The following PLCXD1 variants were observed in gnomAD, a reference collection of about 807,000 sequenced individuals.
PLCXD1 encodes the protein PI-PLC X domain-containing protein 1.
A neutral mutation model predicts 37.8 loss-of-function variants in PLCXD1; 45 were observed. The ratio of observed to expected loss-of-function variants is 1.19; its 90% CI spans 0.94 to 1.53. The LOEUF is 1.53. Among genes scored for constraint, PLCXD1 ranks in the 40% most tolerant of loss-of-function variants. The pLI, the probability that PLCXD1 is intolerant of heterozygous loss-of-function variation, is 0.00. For missense variants in PLCXD1, 539 were observed against 454.7 expected, an observed-to-expected ratio of 1.19 and a Z score of -1.69; for synonymous variants, 246 against 206.9, an observed-to-expected ratio of 1.19 and a Z score of -1.62.
At chrX:281,235 G>A (rs1285044232), upstream of PLCXD1, 2 of 230,772 alleles carry the variant, frequency 8.7e-6, no homozygotes, top group Non-Finnish European at 1.7e-5. Flanking sequence ...CTCCCTCCTG[G>A]GGACCCGGAG....
At chrX:286,412 G>C (rs1033093066) in intron 2 of PLCXD1, among the ~76,000 whole-genome samples, 2 of 152,102 alleles carry the variant, frequency 1.3e-5, no homozygotes, top group African/African-American at 2.4e-5. Flanking sequence ...GTCTAGAGCT[G>C]ACCTAGTAAG....
At chrX:285,935 GGA>G (rs994719969) in intron 2 of PLCXD1, among the ~76,000 whole-genome samples, 144 of 152,288 alleles carry the variant, frequency 9.5e-4, no homozygotes, top group African/African-American at 3.3e-3. Context: ...GTGCACATCA[GGA>G]GAGGGGGTGA....
At position 288,682 on chromosome X, in the gene PLCXD1, T is replaced by C. The variant is rs369103302; in HGVS notation, c.128-51T>C. 16 of 1,604,852 alleles carry C rather than the reference T, an allele frequency of 1.0e-5. No individual in the cohort carries two copies. In the African/African-American group the frequency reaches 2.0e-4, roughly 20 times the overall value. On this transcript the variant is annotated intron_variant, in intron 2 of 6. Coordinates refer to ENST00000381657, the MANE Select transcript of PLCXD1 (RefSeq NM_018390.4). ...GGGCTGTGGAGCGACTCACAGCAGG[T>C]GGCGGGGACGGACTCGTGGTGACAT...
chrX:289,516 C>CTT (rs759211019), intron 3 of PLCXD1, among the ~76,000 whole-genome samples: 64,008 of 135,054 alleles, frequency 0.47, 16,096 homozygotes, highest in Middle Eastern at 0.61. Context: ...CTTTCTTTTT[C>CTT]TTTTTTTTTT....
chrX:296,915 G>GACATTATTCTGT (rs2069831265), intron 6 of PLCXD1, among the ~76,000 whole-genome samples: 1 of 136,436 alleles, frequency 7.3e-6, no homozygotes, highest in African/African-American at 2.6e-5. Flanking sequence ...CATCTTTGGG[G>GACATTATTCTGT]CCATTATTCT....
chrX:290,445 A>AG (rs1346314723), intron 3 of PLCXD1, among the ~76,000 whole-genome samples: 3 of 138,550 alleles, frequency 2.2e-5, no homozygotes, highest in Admixed American at 7.1e-5. Context: ...AAAAAAAAAA[A>AG]GGCCAGGTCC....
chrX:278,945 C>T (rs1162681160), upstream of PLCXD1, among the ~76,000 whole-genome samples: 2 of 152,064 alleles, frequency 1.3e-5, no homozygotes, highest in African/African-American at 2.4e-5. Context: ...CCCGAACAGG[C>T]TTTGTGTGAG....
upstream of PLCXD1, among the ~76,000 whole-genome samples, chrX:277,261 G>A (rs1339253629): frequency 8.8e-4 from 98 of 111,208 alleles, no homozygotes; most frequent in South Asian, 1.5e-3. Context: ...AGGGGTCAGG[G>A]GGAACGTGGG....
upstream of PLCXD1, among the ~76,000 whole-genome samples, chrX:279,700 G>A (rs2069221560): frequency 6.6e-6 from 1 of 151,760 alleles, no homozygotes; most frequent in Non-Finnish European, 1.5e-5. Context: ...CTTGAATCCA[G>A]GAGGCGGAGG....
intron 6 of PLCXD1, among the ~76,000 whole-genome samples, chrX:294,350 CG>C (rs1300712992): frequency 3.9e-5 from 6 of 151,908 alleles, no homozygotes; most frequent in Non-Finnish European, 7.4e-5. Flanking sequence ...GGCGTGGTGG[CG>C]GGCGCCTGTA....
chrX:300,399 T>C lies in PLCXD1; in HGVS notation c.*1064T>C, dbSNP rs2069966688. ...GTGTGTATATATGTGTGTTTATGTG[T>C]CTGTGTGTATATATGTGTATATATC... On this transcript the variant is annotated 3_prime_UTR_variant, in exon 7 of 7. Transcript: ENST00000381657. The C allele has an allele frequency of 6.7e-6, 1 of 149,672 alleles. No homozygotes were observed. The highest frequency in any genetic ancestry group is 2.6e-5 in the African/African-American group (1 of 39,182). The allele number at this position is 149,672 out of a possible 1,614,324, so 9.3% of individuals were successfully genotyped here.
intron 4 of PLCXD1, among the ~76,000 whole-genome samples, chrX:291,212 C>A (rs942447703): frequency 1.3e-4 from 20 of 151,034 alleles, no homozygotes; most frequent in Non-Finnish European, 2.1e-4. Flanking sequence ...GTGGTGCAAT[C>A]TCAGCTCACT....
At chrX:289,280 G>A (rs1159964575) in intron 3 of PLCXD1, among the ~76,000 whole-genome samples, 5 of 151,954 alleles carry the variant, frequency 3.3e-5, no homozygotes, top group Non-Finnish European at 1.5e-5. Context: ...GTAGAGATGG[G>A]GTTTTACCGT....
At chrX:283,875 TCTC>T (rs2069360237) in intron 1 of PLCXD1, 1 of 195,704 alleles carries the variant, frequency 5.1e-6, no homozygotes, top group South Asian at 8.0e-5. Flanking sequence ...TCTCTCTCTC[TCTC>T]TTTTTTTTTT....
Position 288,883 on chromosome X carries a change from C to T in PLCXD1, c.264+14C>T. 1 of 1,611,542 alleles carries T rather than the reference C, an allele frequency of 6.2e-7. No homozygotes were observed. The highest frequency in any genetic ancestry group is 8.5e-7 in the Non-Finnish European group (1 of 1,179,232). On this transcript the variant is annotated intron_variant, in intron 3 of 6. Coordinates refer to ENST00000381657, the MANE Select transcript of PLCXD1 (RefSeq NM_018390.4). ...TCCGTCACCCAGGTACGGTCTGTGC[C>T]CCGTGCTGCTGACCTGGCCTGTCAG...
Position 299,152 on chromosome X carries a change from G to A in PLCXD1, c.789G>A (p.Ala263=), listed in dbSNP as rs138027931. ...NLTENLQYVL[A]HPSESLEKMT... is the part of the protein sequence containing the mutation. ...CGGAGAACCTGCAGTACGTTCTGGCGCACCCGTCCGAGTCCCTGGAGAAGA... is the reference window on the plus strand; with the variant it reads ...CGGAGAACCTGCAGTACGTTCTGGCACACCCGTCCGAGTCCCTGGAGAAGA... The change falls in exon 7 of 7, where the codon GCG becomes GCA. Residue 263 remains alanine, a synonymous_variant. Transcript: ENST00000381657. 6 of 1,613,796 alleles carry A rather than the reference G, an allele frequency of 3.7e-6. No individual in the cohort carries two copies. Among genetic ancestry groups the A allele is most frequent in the South Asian group, 3.3e-5 (3 of 91,074 alleles).
chrX:284,226 G>T lies in PLCXD1; in HGVS notation c.39G>T (p.Arg13Ser), dbSNP rs780108690. Reference protein sequence around the residue: ...GQVSASNSFSRLHCRNANEDW... With the variant: ...GQVSASNSFSSLHCRNANEDW... ...TGAGCGCTTCCAACAGCTTCTCGAG[G>T]CTGCACTGCAGAAATGCCAACGAGG... is the stretch of plus-strand genomic sequence containing the variant. Residue 13 changes from arginine (R) to serine (S), a missense_variant, in exon 2 of 7, where the codon AGG (arginine) becomes AGT (serine). Physicochemically the swap from Arg to Ser is moderately radical, Grantham distance 110. Coordinates refer to ENST00000381657, the MANE Select transcript of PLCXD1 (RefSeq NM_018390.4). 6.2e-6 allele frequency: 10 copies of T among 1,613,570 alleles called. No homozygotes were observed. Among genetic ancestry groups the T allele is most frequent in the Non-Finnish European group, 8.5e-6 (10 of 1,179,790 alleles).
chrX:285,678 C>G (rs2069432356), intron 2 of PLCXD1, among the ~76,000 whole-genome samples: 1 of 152,124 alleles, frequency 6.6e-6, no homozygotes, highest in Admixed American at 6.5e-5. Context: ...CACGTCCATG[C>G]ACACAGGAAC....
At chrX:288,911 A>C in intron 3 of PLCXD1, 42 bp downstream of exon 3, 1 of 1,598,536 alleles carries the variant, frequency 6.3e-7, no homozygotes, top group Non-Finnish European at 8.6e-7. Context: ...CCTGTCAGCT[A>C]TGTGGGGCCC....
Sources: allele counts gnomAD v4.1 joint callset (sites outside exome capture counted in the v4.1 genomes callset), GRCh38; gene constraint gnomAD v4.1.1; transcripts MANE v1.5; gene names NCBI Gene and HGNC (gene_info 2026-07-23, HGNC 2026-07-21).